Variants in AGBL3 observed in about 807,000 individuals in gnomAD.
AGBL3 encodes the protein AGBL carboxypeptidase 3.
AGBL3 carries 68 observed loss-of-function variants against 94.5 expected under a neutral mutation model. The ratio of observed to expected loss-of-function variants is 0.72; its 90% confidence interval spans 0.59 to 0.88. AGBL3 has a LOEUF of 0.88. Ranked by LOEUF, AGBL3 falls within the 40% of genes least tolerant of loss-of-function variation. The pLI is 0.00. For synonymous variants in AGBL3, 354 were observed against 370.7 expected, an observed-to-expected ratio of 0.95 and a Z score of 0.52; for missense variants, 934 against 1,103.8, an observed-to-expected ratio of 0.85 and a Z score of 2.18.
At chr7:135,130,096 A>G (rs1339030927) in intron 16 of AGBL3, among the ~76,000 whole-genome samples, 3 of 151,994 alleles carry the variant, frequency 2.0e-5, no homozygotes, top group Non-Finnish European at 4.4e-5. Flanking sequence ...CCTCAGTACT[A>G]CTCCTTACAA....
At chr7:135,098,123 C>G (rs938983654) in intron 15 of AGBL3, among the ~76,000 whole-genome samples, 8 of 152,068 alleles carry the variant, frequency 5.3e-5, no homozygotes, top group Non-Finnish European at 1.2e-4. Flanking sequence ...TCTACAGATA[C>G]AAAGTGAGTG....
At chr7:135,059,048 C>T (rs1341194204) in intron 11 of AGBL3, 121 bp from the exon 12 acceptor site, 52 of 765,670 alleles carry the variant, frequency 6.8e-5, no homozygotes, top group Non-Finnish European at 9.9e-5. Context: ...TGAGTCACTG[C>T]GCCCGGCCAC....
At chr7:134,988,069 A>G in intron 2 of AGBL3, 73 bp downstream of exon 2, 2 of 1,082,178 alleles carry the variant, frequency 1.8e-6, no homozygotes, top group Non-Finnish European at 2.6e-6. Flanking sequence ...AAAATATTAT[A>G]AAATCAATTG....
chr7:135,095,143 G>A (rs947420836), intron 15 of AGBL3, among the ~76,000 whole-genome samples: 2 of 152,156 alleles, frequency 1.3e-5, no homozygotes, highest in African/African-American at 4.8e-5. Context: ...GGATATTTCT[G>A]CAACTCCAGC....
At chr7:135,058,771 C>T (rs888912060) in intron 11 of AGBL3, among the ~76,000 whole-genome samples, 1 of 152,006 alleles carries the variant, frequency 6.6e-6, no homozygotes, top group African/African-American at 2.4e-5. Flanking sequence ...TTTTTTCCCC[C>T]CCAAGACAGA....
In AGBL3 at chr7:135,034,480, C is replaced by A; in HGVS notation, c.889C>A (p.His297Asn). 6.4e-7 allele frequency: 1 copy of A among 1,551,834 alleles called. No homozygotes were observed. Among genetic ancestry groups the A allele is most frequent in the South Asian group, 1.2e-5 (1 of 84,058 alleles). ...PHNKDTCYFA[H>N]CYPYTYTNLQ... ...CAACAAAGATACCTGCTACTTTGCTCATTGCTATCCATACACTTACACCAA... is the reference window on the plus strand; with the variant it reads ...CAACAAAGATACCTGCTACTTTGCTAATTGCTATCCATACACTTACACCAA... Residue 297 changes from histidine to asparagine, a missense_variant, in exon 7 of 17, where the codon CAT (histidine) becomes AAT (asparagine). Physicochemically the swap from His to Asn is moderately conservative, Grantham distance 68. Transcript: ENST00000436302.
chr7:135,045,828 A>C lies in AGBL3; in HGVS notation c.1758A>C (p.Glu586Asp). The change falls in exon 11 of 17, where the codon GAA (glutamate) becomes GAC (aspartate). Residue 586 changes from glutamate (E) to aspartate (D), a missense_variant. Transcript: ENST00000436302. ...KYYRCLKELEEMERHITLEKV... is the reference protein window; with the variant it reads ...KYYRCLKELEDMERHITLEKV... ...ATCGGTGCCTGAAAGAATTAGAAGA[A>C]ATGGAAAGACATATAACCCTGGAAA... is the stretch of plus-strand genomic sequence containing the variant. 1 of 1,550,534 alleles carries C rather than the reference A, an allele frequency of 6.4e-7. No homozygotes were observed. Among genetic ancestry groups the C allele is most frequent in the Non-Finnish European group, 8.7e-7 (1 of 1,146,224 alleles).
intron 4 of AGBL3, among the ~76,000 whole-genome samples, chr7:135,013,965 C>T (rs1412818001): frequency 6.6e-6 from 1 of 151,930 alleles, no homozygotes; most frequent in Non-Finnish European, 1.5e-5. Context: ...GAGGCCAAGG[C>T]GGGTGGATTG....
intron 11 of AGBL3, among the ~76,000 whole-genome samples, chr7:135,058,353 C>G (rs1818518079): frequency 6.6e-6 from 1 of 152,084 alleles, no homozygotes; most frequent in African/African-American, 2.4e-5. Context: ...AAAAACGTGC[C>G]TACCACTGCA....
At chr7:135,043,832 A>G (rs544364080) in intron 8 of AGBL3, among the ~76,000 whole-genome samples, 193 bp from the exon 9 acceptor site, 22 of 152,272 alleles carry the variant, frequency 1.4e-4, no homozygotes, top group Admixed American at 2.6e-4. Flanking sequence ...ATTAGAATCT[A>G]TAGTTCTCAG....
chr7:135,128,363 G>T, intron 16 of AGBL3: 1 of 393,252 alleles, frequency 2.5e-6, no homozygotes, highest in Non-Finnish European at 4.6e-6. Flanking sequence ...AAACTGTCAT[G>T]GCCCTGGTGG....
intron 12 of AGBL3, among the ~76,000 whole-genome samples, chr7:135,073,109 G>C (rs570585106): frequency 2.6e-5 from 4 of 152,058 alleles, no homozygotes; most frequent in African/African-American, 4.8e-5. Context: ...ATCTAAAAAA[G>C]TGGACCTAAT....
At chr7:135,054,563 G>C (rs1346085296) in intron 11 of AGBL3, among the ~76,000 whole-genome samples, 1 of 152,096 alleles carries the variant, frequency 6.6e-6, no homozygotes, top group Non-Finnish European at 1.5e-5. Context: ...AAGGTGTGTT[G>C]TTTAATGAAA....
At chr7:135,001,385 C>T (rs1023925895) in intron 4 of AGBL3, among the ~76,000 whole-genome samples, 1 of 152,168 alleles carries the variant, frequency 6.6e-6, no homozygotes, top group African/African-American at 2.4e-5. Flanking sequence ...CTAAAGGACC[C>T]TGACCCTTTT....
At chr7:134,993,347 A>G (rs550198159) in intron 3 of AGBL3, 146 bp from the exon 4 acceptor site, 1 of 647,416 alleles carries the variant, frequency 1.5e-6, no homozygotes, top group Non-Finnish European at 2.4e-6. Context: ...TAGTACTTTT[A>G]TAAACAGTGC....
chr7:135,009,276 A>G (rs2133450900), intron 4 of AGBL3, among the ~76,000 whole-genome samples: 1 of 152,344 alleles, frequency 6.6e-6, no homozygotes, highest in South Asian at 2.1e-4. Context: ...TTTCCACACA[A>G]TAGAATATTA....
At chr7:135,008,003 T>C (rs1397302899) in intron 4 of AGBL3, among the ~76,000 whole-genome samples, 1 of 151,940 alleles carries the variant, frequency 6.6e-6, no homozygotes. Context: ...TCTAGATAAA[T>C]AGACATCCCA....
chr7:135,096,739 G>C (rs868263876), intron 15 of AGBL3, among the ~76,000 whole-genome samples: 2 of 92,838 alleles, frequency 2.2e-5, no homozygotes, highest in Non-Finnish European at 2.2e-5. Flanking sequence ...GAAAGAGAAA[G>C]AATGAAAGAA....
At position 135,094,346 on chromosome 7, in the gene AGBL3, G is replaced by A. The variant is rs10268170; in HGVS notation, c.2110+12556G>A. 3,996 of 456,452 alleles carry A rather than the reference G, an allele frequency of 8.8e-3. 140 individuals carry two copies. Among genetic ancestry groups the A allele is most frequent in the African/African-American group, 0.071 (3,551 of 50,142 alleles). 28.3% of individuals were successfully genotyped at this position (456,452 alleles called of 1,614,324 possible). On this transcript the variant is annotated intron_variant, in intron 15 of 16. Transcript: ENST00000436302. Reference sequence around the variant, plus strand: ...TACCCTGAAATCTGAAGAGACAGACGAATCCAGGGAGTCACTGCTGAGATC... The same window carrying A: ...TACCCTGAAATCTGAAGAGACAGACAAATCCAGGGAGTCACTGCTGAGATC...
Sources: gnomAD v4.1 joint callset for allele counts (sites outside exome capture counted in the v4.1 genomes callset) on GRCh38, gnomAD v4.1.1 for gene constraint, MANE v1.5 for transcripts, NCBI Gene and HGNC (gene_info 2026-07-23, HGNC 2026-07-21) for gene names.